Variants in POU3F3 observed in about 807,000 individuals in gnomAD.
POU3F3 encodes POU domain, class 3, transcription factor 3.
Under a neutral mutation model 8.6 loss-of-function variants are expected in POU3F3, and 1 was observed. The observed-to-expected ratio is 0.12, with a 90% confidence interval of 0.04 to 0.55. The LOEUF is 0.55. POU3F3 is among the 20% of genes least tolerant of loss of function. The pLI, the probability that POU3F3 is intolerant of heterozygous loss-of-function variation, is 0.91. For missense variants in POU3F3, 577 were observed against 690.7 expected, an observed-to-expected ratio of 0.84 and a Z score of 1.84; for synonymous variants, 418 against 327.4, an observed-to-expected ratio of 1.28 and a Z score of -2.99.
At chr2:104,892,622 C>T in the POU3F3 span, among the ~76,000 whole-genome samples, 1 of 151,004 alleles carries the variant, frequency 6.6e-6, no homozygotes, top group Non-Finnish European at 1.5e-5. Context: ...CATGCAACCA[C>T]TCCTGGCTGA....
At chr2:104,915,260 G>A in the POU3F3 span, among the ~76,000 whole-genome samples, 3 of 152,122 alleles carry the variant, frequency 2.0e-5, no homozygotes, top group African/African-American at 4.8e-5. Flanking sequence ...ATGTGGCCAC[G>A]GTAAGTCCTG....
chr2:104,917,029 T>A, the POU3F3 span, among the ~76,000 whole-genome samples: 6 of 152,208 alleles, frequency 3.9e-5, no homozygotes, highest in African/African-American at 1.4e-4. Flanking sequence ...TCACTCCCTC[T>A]CTTCTTGAAC....
At chr2:104,893,061 C>T in the POU3F3 span, among the ~76,000 whole-genome samples, 5 of 152,104 alleles carry the variant, frequency 3.3e-5, no homozygotes, top group Non-Finnish European at 5.9e-5. Flanking sequence ...GGTGGCTCTG[C>T]AAAATTAAAT....
At chr2:104,863,542 G>T (rs1225156674), downstream of POU3F3, among the ~76,000 whole-genome samples, 1 of 152,102 alleles carries the variant, frequency 6.6e-6, no homozygotes, top group African/African-American at 2.4e-5. Flanking sequence ...GAGTTCAGAG[G>T]GGCTGAGTTC....
the POU3F3 span, among the ~76,000 whole-genome samples, chr2:104,909,548 T>G: frequency 3.3e-5 from 5 of 152,270 alleles, no homozygotes; most frequent in Non-Finnish European, 7.3e-5. Flanking sequence ...TCTGTGTCTG[T>G]GCCTGCCAAT....
chr2:104,887,864 A>G, the POU3F3 span, among the ~76,000 whole-genome samples: 93,111 of 152,052 alleles, frequency 0.61, 28,816 homozygotes, highest in East Asian at 0.87. Flanking sequence ...TTCAGGCTTT[A>G]AATGGAGGTA....
At chr2:104,875,671 T>A in the POU3F3 span, among the ~76,000 whole-genome samples, 1 of 152,232 alleles carries the variant, frequency 6.6e-6, no homozygotes, top group Non-Finnish European at 1.5e-5. Flanking sequence ...CCAATACTTA[T>A]TTTAAATCTC....
the POU3F3 span, among the ~76,000 whole-genome samples, chr2:104,887,006 T>C: frequency 6.6e-6 from 1 of 152,232 alleles, no homozygotes; most frequent in Admixed American, 6.5e-5. Context: ...GGCTGCTGGT[T>C]GCCCATTTTT....
At chr2:104,897,278 T>C in the POU3F3 span, among the ~76,000 whole-genome samples, 1 of 152,116 alleles carries the variant, frequency 6.6e-6, no homozygotes, top group Non-Finnish European at 1.5e-5. Flanking sequence ...AGACCCTCAA[T>C]TATACTGAGT....
chr2:104,873,874 T>C, the POU3F3 span, among the ~76,000 whole-genome samples: 1 of 152,226 alleles, frequency 6.6e-6, no homozygotes, highest in Non-Finnish European at 1.5e-5. Context: ...CAGCCTTGCA[T>C]GCCTTCGGGC....
chr2:104,858,804 T>C (rs1399927159), downstream of POU3F3, among the ~76,000 whole-genome samples: 1 of 152,218 alleles, frequency 6.6e-6, no homozygotes, highest in Non-Finnish European at 1.5e-5. Flanking sequence ...TTCTCTCCCT[T>C]AATTTTAGTG....
the POU3F3 span, among the ~76,000 whole-genome samples, chr2:104,890,685 A>C: frequency 6.6e-6 from 1 of 152,034 alleles, no homozygotes; most frequent in Admixed American, 6.6e-5. Context: ...TATCATGTCA[A>C]ACCTGCTGGG....
chr2:104,873,755 C>G, the POU3F3 span, among the ~76,000 whole-genome samples: 1 of 152,170 alleles, frequency 6.6e-6, no homozygotes, highest in African/African-American at 2.4e-5. Flanking sequence ...CAATTACCAC[C>G]ACCAAAAACA....
chr2:104,920,635 C>T, the POU3F3 span, among the ~76,000 whole-genome samples: 3 of 152,068 alleles, frequency 2.0e-5, no homozygotes, highest in African/African-American at 7.2e-5. Flanking sequence ...TGCCTTCCAG[C>T]CTGCAATTTC....
the POU3F3 span, among the ~76,000 whole-genome samples, chr2:104,885,175 T>C: frequency 3.3e-5 from 5 of 152,238 alleles, no homozygotes; most frequent in African/African-American, 4.8e-5. Flanking sequence ...ATCTAAACAG[T>C]AGAATACTCT....
chr2:104,863,715 G>T, the POU3F3 span, among the ~76,000 whole-genome samples: 3 of 152,290 alleles, frequency 2.0e-5, no homozygotes, highest in South Asian at 6.2e-4. Context: ...AAATTGAGGT[G>T]GGGGGCGTAC....
chr2:104,859,595 C>T (rs956916831), downstream of POU3F3, among the ~76,000 whole-genome samples: 1 of 152,132 alleles, frequency 6.6e-6, no homozygotes, highest in Non-Finnish European at 1.5e-5. Flanking sequence ...TTAAAAAACC[C>T]GGAAAACTGT....
At chr2:104,917,742 C>G in the POU3F3 span, among the ~76,000 whole-genome samples, 1 of 151,604 alleles carries the variant, frequency 6.6e-6, no homozygotes, top group African/African-American at 2.4e-5. Flanking sequence ...CAGCCCAGTA[C>G]TAGGGTGGTG....
Position 104,856,586 on chromosome 2 carries a change from C to G in POU3F3, c.1076C>G (p.Thr359Ser). ...TACGGCAACGTGTTCTCGCAGACCA[C>G]CATCTGCCGCTTCGAGGCCCTGCAG... ...TLYGNVFSQT[T>S]ICRFEALQLS... The change falls in exon 1 of 1, where the codon ACC becomes AGC. Residue 359 changes from threonine to serine, a missense_variant. Thr to Ser is a moderately conservative substitution (Grantham distance 58, BLOSUM62 1). Around this residue, in one of 7 missense-constraint regions of POU3F3, gnomAD observed 20 missense variants for 107.7 expected, o/e 0.19. Transcript: ENST00000361360. The G allele has an allele frequency of 6.2e-7, 1 of 1,614,196 alleles. No individual in the cohort carries two copies. The highest frequency in any genetic ancestry group is 8.5e-7 in the Non-Finnish European group (1 of 1,180,040).
Sources: allele counts gnomAD v4.1 joint callset (sites outside exome capture counted in the v4.1 genomes callset), GRCh38; gene constraint gnomAD v4.1.1; regional missense constraint gnomAD v4.1.1; transcripts MANE v1.5; gene names NCBI Gene and HGNC (gene_info 2026-07-23, HGNC 2026-07-21).